CUX1: variants seen among roughly 807,000 people sequenced by gnomAD.
CUX1 encodes the protein cut like homeobox 1.
CUX1 carries 31 observed loss-of-function variants against 158.8 expected under a neutral mutation model. The observed-to-expected ratio is 0.20, with a 90% CI of 0.15 to 0.26. CUX1 has a LOEUF of 0.26. Ranked by LOEUF, CUX1 falls within the 10% of genes least tolerant of loss-of-function variation. The pLI, the probability that CUX1 is intolerant of heterozygous loss-of-function variation, is 1.00. For missense variants in CUX1, 1,589 were observed against 2,014.6 expected, an observed-to-expected ratio of 0.79 and a Z score of 4.04; for synonymous variants, 879 against 862.1, an observed-to-expected ratio of 1.02 and a Z score of -0.34.
At chr7:101,891,709 G>A (rs1020007792) in intron 1 of CUX1, among the ~76,000 whole-genome samples, 2 of 152,194 alleles carry the variant, frequency 1.3e-5, no homozygotes, top group African/African-American at 4.8e-5. Context: ...GGGAGAATAG[G>A]GAAGGGTTCA....
chr7:101,901,186 T>G (rs1169337180), intron 1 of CUX1, among the ~76,000 whole-genome samples: 1 of 152,016 alleles, frequency 6.6e-6, no homozygotes, highest in Non-Finnish European at 1.5e-5. Flanking sequence ...GGCCCAGTAA[T>G]GCCCCTGGGT....
intron 1 of CUX1, among the ~76,000 whole-genome samples, chr7:101,861,379 A>G (rs1158269765): frequency 1.3e-5 from 2 of 152,242 alleles, no homozygotes; most frequent in Non-Finnish European, 2.9e-5. Context: ...CACATTTAGC[A>G]GTTAGCTGTT....
At chr7:102,192,198 C>T (rs1794352426) in intron 12 of CUX1, among the ~76,000 whole-genome samples, 1 of 152,196 alleles carries the variant, frequency 6.6e-6, no homozygotes, top group Non-Finnish European at 1.5e-5. Flanking sequence ...ACCTCAGATC[C>T]TCATGCACTG....
At chr7:102,225,622 G>C (rs1798270361) in intron 20 of CUX1, among the ~76,000 whole-genome samples, 1 of 152,182 alleles carries the variant, frequency 6.6e-6, no homozygotes. Flanking sequence ...CCAGCACTTT[G>C]GGAGGCCAAG....
At chr7:101,924,087 T>C (rs1805299437) in intron 2 of CUX1, among the ~76,000 whole-genome samples, 1 of 152,180 alleles carries the variant, frequency 6.6e-6, no homozygotes. Flanking sequence ...AGGTCCCTCC[T>C]TTTTATTGAT....
chr7:101,904,960 G>A (rs1157078127), intron 1 of CUX1, among the ~76,000 whole-genome samples: 1 of 152,164 alleles, frequency 6.6e-6, no homozygotes, highest in Admixed American at 6.5e-5. Context: ...TGACATCCAC[G>A]CTCATTGCAC....
rs782297709 is a variant in CUX1 at position 102,277,909 on chromosome 7, GGCCTCTCCCCCACCCCTTTCCTT to G, written c.1564-36_1564-14del. 8 of 1,202,756 alleles carry G rather than the reference GGCCTCTCCCCCACCCCTTTCCTT, an allele frequency of 6.7e-6. No homozygotes were observed. The South Asian group carries it at 7.1e-5, about 11-fold the overall frequency. The allele number at this position is 1,202,756 out of a possible 1,614,324, so 74.5% of individuals were successfully genotyped here. On this transcript the variant is annotated splice_polypyrimidine_tract_variant and intron_variant, in intron 17 of 22. Coordinates refer to the CUX1 transcript ENST00000292538. ...GGAGCAGCACCTGTGCCAGCACGGA[GGCCTCTCCCCCACCCCTTTCCTT>G]GCCCCTCCCCCCCCAGGAGAACCGC... is the stretch of plus-strand genomic sequence containing the variant.
chr7:101,934,220 A>G (rs1015548330), intron 2 of CUX1, among the ~76,000 whole-genome samples: 4 of 152,218 alleles, frequency 2.6e-5, no homozygotes, highest in Non-Finnish European at 5.9e-5. Flanking sequence ...TATAAATTTG[A>G]AAATCTCTCT....
At chr7:101,887,978 G>C (rs1157987602) in intron 1 of CUX1, among the ~76,000 whole-genome samples, 1 of 151,908 alleles carries the variant, frequency 6.6e-6, no homozygotes, top group Non-Finnish European at 1.5e-5. Flanking sequence ...GAACCCTGTA[G>C]TGTGCAAAGT....
At position 101,923,806 on chromosome 7, in the gene CUX1, C is replaced by T. The variant is rs73185826; in HGVS notation, c.141+7581C>T. Among the ~76,000 whole-genome samples, 318 of 152,360 alleles carry T rather than the reference C, an allele frequency of 2.1e-3. 1 individual carries two copies. Among genetic ancestry groups the T allele is most frequent in the Admixed American group, 4.1e-3 (63 of 15,310 alleles). On this transcript the variant is annotated intron_variant, in intron 2 of 23. Transcript: ENST00000292535. ...TGACTGTCGGAGACGCCTGGCTCAG[C>T]ATGCCCACCTTGCAACAGGGAGCAC...
intron 4 of CUX1, among the ~76,000 whole-genome samples, chr7:102,087,401 A>G (rs556885443): frequency 6.6e-6 from 1 of 152,198 alleles, no homozygotes; most frequent in Non-Finnish European, 1.5e-5. Context: ...ACCAACATGG[A>G]GAAACCCTAT....
At chr7:101,877,024 C>A (rs1799216802) in intron 1 of CUX1, among the ~76,000 whole-genome samples, 3 of 152,094 alleles carry the variant, frequency 2.0e-5, no homozygotes, top group Admixed American at 1.3e-4. Context: ...TTTTTAATGT[C>A]TGATTATTTT....
chr7:102,164,827 A>C (rs1355803999), intron 9 of CUX1, among the ~76,000 whole-genome samples: 1 of 152,122 alleles, frequency 6.6e-6, no homozygotes, highest in African/African-American at 2.4e-5. Context: ...GGACTTGCTC[A>C]TCTCTGGTGT....
chr7:102,099,220 C>T (rs201467), intron 5 of CUX1, among the ~76,000 whole-genome samples: 1 of 152,134 alleles, frequency 6.6e-6, no homozygotes, highest in Admixed American at 6.6e-5. Context: ...TGACAGGCAG[C>T]TGGGGAAGCC....
At chr7:102,021,516 C>A (rs1819339613) in intron 2 of CUX1, among the ~76,000 whole-genome samples, 1 of 152,014 alleles carries the variant, frequency 6.6e-6, no homozygotes, top group African/African-American at 2.4e-5. Context: ...CCACGTTGCC[C>A]AAGCTGGTCC....
At chr7:102,039,428 C>T (rs1229860029) in intron 3 of CUX1, among the ~76,000 whole-genome samples, 5 of 151,664 alleles carry the variant, frequency 3.3e-5, no homozygotes, top group Non-Finnish European at 5.9e-5. Flanking sequence ...CCGAGACAGG[C>T]GGCTCACTTG....
chr7:102,264,363 G>A (rs1790648708), intron 14 of CUX1, among the ~76,000 whole-genome samples: 1 of 152,182 alleles, frequency 6.6e-6, no homozygotes. Context: ...CTGCAGATGT[G>A]AGAAGGAAGG....
intron 4 of CUX1, among the ~76,000 whole-genome samples, chr7:102,080,095 C>T (rs1238386815): frequency 2.0e-5 from 3 of 152,200 alleles, no homozygotes; most frequent in Admixed American, 6.5e-5. Context: ...ACAAGATGGG[C>T]GTTAGGCCTG....
rs1808846188 is a variant in CUX1, at chr7:101,949,851, A to G, written c.141+33626A>G. On this transcript the variant is annotated intron_variant, in intron 2 of 23. Coordinates refer to ENST00000292535, the MANE Select transcript of CUX1 (RefSeq NM_181552.4). ...CTAGCGAGTGCTTGCTTTTTCTGCT[A>G]GACAGTGGTCCTCAGGCCCAATCCC... 4.6e-5 allele frequency among the ~76,000 whole-genome samples: 7 copies of G among 151,370 alleles called. No homozygotes were observed. The South Asian group carries it at 1.0e-3, about 23-fold the overall frequency.
Sources: allele counts gnomAD v4.1 joint callset (sites outside exome capture counted in the v4.1 genomes callset), GRCh38; gene constraint gnomAD v4.1.1; transcripts MANE v1.5; gene names NCBI Gene and HGNC (gene_info 2026-07-23, HGNC 2026-07-21).